Variants in CAMTA1 observed in about 807,000 individuals in gnomAD.
CAMTA1 encodes calmodulin binding transcription activator 1, also known as calmodulin-binding transcription activator 1.
A neutral mutation model predicts 170.9 loss-of-function variants in CAMTA1; 27 were observed. The ratio of observed to expected loss-of-function variants is 0.16; its 90% CI spans 0.12 to 0.22. CAMTA1 has a LOEUF of 0.22. CAMTA1 is among the 10% of genes least tolerant of loss of function. CAMTA1 has a pLI of 1.00. For synonymous variants in CAMTA1, 833 were observed against 891.5 expected (o/e 0.93, Z 1.17); for missense variants, 1,619 against 2,217.2 (o/e 0.73, Z 5.42).
chr1:7,663,231 A>G (rs1043777639), intron 8 of CAMTA1, 122 bp from the exon 9 acceptor site: 55 of 1,344,734 alleles, frequency 4.1e-5, no homozygotes, highest in Non-Finnish European at 5.2e-5. Context: ...TTTGCCAGGG[A>G]CCCCAGCCGC....
rs2095762964 is a variant in CAMTA1, at chr1:7,641,763, G to A, written c.664+1210G>A. Among the ~76,000 whole-genome samples the A allele has an allele frequency of 6.6e-6, 1 of 152,142 alleles. No individual in the cohort carries two copies. The highest frequency in any genetic ancestry group is 2.4e-5 in the African/African-American group (1 of 41,432). On this transcript the variant is annotated intron_variant, in intron 7 of 22. Transcript: ENST00000303635. The surrounding 1 kb of genome is among the most constrained non-coding windows in gnomAD (Gnocchi z 4.5). ...GTACCCCGTGGGGAGGTTTGGACCAGGCTTGCCTCAGTGCTTCTGCCTGGA... is the reference window on the plus strand; with the variant it reads ...GTACCCCGTGGGGAGGTTTGGACCAAGCTTGCCTCAGTGCTTCTGCCTGGA...
At chr1:7,484,998 C>T (rs1053499604) in intron 6 of CAMTA1, among the ~76,000 whole-genome samples, 2 of 152,220 alleles carry the variant, frequency 1.3e-5, no homozygotes, top group African/African-American at 4.8e-5. Context: ...GGCCAAGCAC[C>T]GGCCCACGCT....
At chr1:7,226,823 A>G (rs1039280905) in intron 4 of CAMTA1, among the ~76,000 whole-genome samples, 3 of 152,046 alleles carry the variant, frequency 2.0e-5, no homozygotes, top group Non-Finnish European at 2.9e-5. Flanking sequence ...AGTTAACTGA[A>G]GCCTTTTTTA....
intron 7 of CAMTA1, among the ~76,000 whole-genome samples, chr1:7,650,452 T>C (rs2095841340): frequency 2.0e-5 from 3 of 152,116 alleles, no homozygotes; most frequent in Admixed American, 2.0e-4. Context: ...TCATTGACAA[T>C]GTCTGTCCCA....
At chr1:7,077,989 T>A (rs2147993747) in intron 3 of CAMTA1, among the ~76,000 whole-genome samples, 1 of 139,900 alleles carries the variant, frequency 7.1e-6, no homozygotes, top group South Asian at 2.2e-4. Flanking sequence ...AGAGCTTGCG[T>A]GCACACACAC....
At chr1:7,514,141 A>C (rs2094246068) in intron 6 of CAMTA1, among the ~76,000 whole-genome samples, 1 of 152,244 alleles carries the variant, frequency 6.6e-6, no homozygotes, top group Admixed American at 6.5e-5. Context: ...CCAAGGAAGA[A>C]GGACTTCTCC....
At chr1:7,449,541 G>A (rs1036959183) in intron 5 of CAMTA1, among the ~76,000 whole-genome samples, 3 of 152,086 alleles carry the variant, frequency 2.0e-5, no homozygotes, top group African/African-American at 4.8e-5. Flanking sequence ...AGGCCAAGGC[G>A]GGCGGATCAA....
chr1:7,689,947 C>G (rs1230675535), intron 11 of CAMTA1, among the ~76,000 whole-genome samples: 1 of 152,162 alleles, frequency 6.6e-6, no homozygotes, highest in Non-Finnish European at 1.5e-5. Flanking sequence ...CACCTGAGGT[C>G]AGGAGTTCAA....
At chr1:7,257,754 C>A (rs899241107) in intron 5 of CAMTA1, among the ~76,000 whole-genome samples, 2 of 152,008 alleles carry the variant, frequency 1.3e-5, no homozygotes, top group Non-Finnish European at 2.9e-5. Context: ...AAATATTGTC[C>A]GTTGCTTTTG....
chr1:6,876,160 T>G (rs998384824), intron 3 of CAMTA1, among the ~76,000 whole-genome samples: 2 of 152,080 alleles, frequency 1.3e-5, no homozygotes, highest in Non-Finnish European at 2.9e-5. Flanking sequence ...TTCATTTTTT[T>G]TTCTCTTCCT....
intron 3 of CAMTA1, among the ~76,000 whole-genome samples, chr1:7,087,380 G>A (rs1363514407): frequency 6.6e-6 from 1 of 152,192 alleles, no homozygotes. Flanking sequence ...GTGGCAATAA[G>A]CTTGATCCTG....
chr1:7,306,802 A>G (rs1250228395), intron 5 of CAMTA1, among the ~76,000 whole-genome samples: 1 of 151,918 alleles, frequency 6.6e-6, no homozygotes, highest in Admixed American at 6.5e-5. Flanking sequence ...CTCAGATTCT[A>G]CGTTGGTGGA....
In CAMTA1 at chr1:7,685,943, C is replaced by T. The variant is rs1333122310; in HGVS notation, c.2914+8210C>T. On this transcript the variant is annotated intron_variant, in intron 11 of 22. Transcript: ENST00000303635. This position sits in a 1 kb window ranked among gnomAD's most constrained non-coding sequence, Gnocchi z 5.7. ...AGTCACCCCTTGCTCACTCCCTCCC[C>T]GACATCCCAATACTAGCCTAGCATG... is the stretch of plus-strand genomic sequence containing the variant. Among the ~76,000 whole-genome samples the T allele has an allele frequency of 6.6e-6, 1 of 152,174 alleles. No individual in the cohort carries two copies. The highest frequency in any genetic ancestry group is 2.4e-5 in the African/African-American group (1 of 41,446).
chr1:7,212,657 G>C (rs990735541), intron 4 of CAMTA1, among the ~76,000 whole-genome samples: 1 of 152,122 alleles, frequency 6.6e-6, no homozygotes, highest in East Asian at 1.9e-4. Context: ...CTATAGTAGA[G>C]TATCACAGCC....
chr1:7,077,320 C>T (rs1343332696), intron 3 of CAMTA1, among the ~76,000 whole-genome samples: 1 of 150,356 alleles, frequency 6.7e-6, no homozygotes, highest in African/African-American at 2.4e-5. Context: ...GGCTCTCACA[C>T]CCTCCTTTCC....
At chr1:6,984,943 G>A (rs1695109889) in intron 3 of CAMTA1, among the ~76,000 whole-genome samples, 1 of 152,228 alleles carries the variant, frequency 6.6e-6, no homozygotes, top group Non-Finnish European at 1.5e-5. Context: ...GGAGGACCCT[G>A]CTTCCCAGAG....
At chr1:6,984,182 G>T (rs373893786) in intron 3 of CAMTA1, among the ~76,000 whole-genome samples, 2,139 of 124,312 alleles carry the variant, frequency 0.017, 31 homozygotes, top group African/African-American at 0.038. Context: ...GTTGGTAGGT[G>T]AGTGGATAGA....
chr1:7,747,627 G>A, intron 18 of CAMTA1, 83 bp from the exon 19 acceptor site: 1 of 819,762 alleles, frequency 1.2e-6, no homozygotes, highest in Non-Finnish European at 1.9e-6. Context: ...CTGAGAAGGT[G>A]CATTAAATGA....
chr1:7,410,111 G>A (rs2090605254), intron 5 of CAMTA1, among the ~76,000 whole-genome samples: 1 of 152,248 alleles, frequency 6.6e-6, no homozygotes. Flanking sequence ...CTCCTTGAAG[G>A]AAAGCAGTAA....
Sources: gnomAD v4.1 joint callset for allele counts (sites outside exome capture counted in the v4.1 genomes callset) on GRCh38, gnomAD v4.1.1 for gene constraint, Gnocchi (gnomAD v3.1) non-coding constraint, MANE v1.5 for transcripts, NCBI Gene and HGNC (gene_info 2026-07-23, HGNC 2026-07-21) for gene names.